Variants in RABGAP1L observed in about 807,000 individuals in gnomAD.
RABGAP1L encodes rab GTPase-activating protein 1-like.
RABGAP1L carries 63 observed loss-of-function variants against 137.7 expected under a neutral mutation model. The observed-to-expected ratio is 0.46, with a 90% CI of 0.37 to 0.56. The LOEUF is 0.56. Ranked by LOEUF, RABGAP1L falls within the 20% of genes least tolerant of loss-of-function variation. The probability of loss-of-function intolerance (pLI) is 0.00; values close to 1 mark genes in which losing one functional copy is unlikely to be tolerated. For missense variants in RABGAP1L, 1,095 were observed against 1,244.0 expected (o/e 0.88, Z 1.80); for synonymous variants, 431 against 433.7 (o/e 0.99, Z 0.08).
intron 6 of RABGAP1L, among the ~76,000 whole-genome samples, chr1:174,251,334 A>G (rs539055777): frequency 1.3e-5 from 2 of 151,206 alleles, no homozygotes; most frequent in South Asian, 2.1e-4. Flanking sequence ...CTGATAATAT[A>G]TGGTTTGACC....
chr1:174,420,793 G>A (rs1651183633), intron 13 of RABGAP1L, among the ~76,000 whole-genome samples: 2 of 151,408 alleles, frequency 1.3e-5, no homozygotes, highest in Non-Finnish European at 2.9e-5. Context: ...TCCTGTCTCA[G>A]CCTCCCGAGT....
chr1:174,484,687 A>G (rs1368041293), intron 13 of RABGAP1L, among the ~76,000 whole-genome samples: 1 of 152,216 alleles, frequency 6.6e-6, no homozygotes, highest in Non-Finnish European at 1.5e-5. Context: ...AACTTTGTCA[A>G]AAATGAATTC....
chr1:174,227,661 A>C (rs1282676408), intron 3 of RABGAP1L, among the ~76,000 whole-genome samples: 3 of 151,998 alleles, frequency 2.0e-5, no homozygotes. Flanking sequence ...CACATTAGCT[A>C]TATAATTTTG....
At chr1:174,383,004 TAACA>T (rs1157673706) in intron 12 of RABGAP1L, among the ~76,000 whole-genome samples, 2 of 151,280 alleles carry the variant, frequency 1.3e-5, no homozygotes, top group African/African-American at 4.9e-5. Context: ...GTTTTCCTTC[TAACA>T]GACAGGACCC....
intron 13 of RABGAP1L, among the ~76,000 whole-genome samples, chr1:174,527,915 T>TTA (rs1664047980): frequency 6.6e-6 from 1 of 151,122 alleles, no homozygotes; most frequent in Non-Finnish European, 1.5e-5. Flanking sequence ...TTTTTTTTTT[T>TTA]TTTTACCTTA....
chr1:174,687,238 G>A (rs999519082), intron 15 of RABGAP1L, among the ~76,000 whole-genome samples: 4 of 152,216 alleles, frequency 2.6e-5, no homozygotes, highest in South Asian at 2.1e-4. Context: ...TAAGGGCCAC[G>A]TAGTGAGTCA....
chr1:174,299,925 GACA>G (rs1166158036), intron 10 of RABGAP1L, among the ~76,000 whole-genome samples: 12 of 152,116 alleles, frequency 7.9e-5, no homozygotes, highest in African/African-American at 2.9e-4. Context: ...ATTAAAATAA[GACA>G]ACAATTGTCT....
intron 13 of RABGAP1L, among the ~76,000 whole-genome samples, chr1:174,430,611 T>C (rs1318611497): frequency 6.6e-6 from 1 of 152,164 alleles, no homozygotes; most frequent in Admixed American, 6.6e-5. Context: ...GAAAGCAAGT[T>C]AGAAGAGCAG....
At position 174,238,178 on chromosome 1, in the gene RABGAP1L, T is replaced by A. The variant is rs1167061573; in HGVS notation, c.543-3305T>A. Among the ~76,000 whole-genome samples the A allele has an allele frequency of 1.2e-4, 18 of 152,086 alleles. No individual in the cohort carries two copies. In the South Asian group the frequency reaches 3.7e-3, roughly 32 times the overall value. On this transcript the variant is annotated intron_variant, in intron 4 of 25. Coordinates refer to ENST00000681986, the MANE Select transcript of RABGAP1L (RefSeq NM_001366446.1). ...ATTCTAGTTATACATTCTTCTAAAT[T>A]TTTTTCAAAGTTTTCAACTTCTTTG...
At chr1:174,497,889 A>G (rs1302103768) in intron 13 of RABGAP1L, among the ~76,000 whole-genome samples, 2 of 150,902 alleles carry the variant, frequency 1.3e-5, no homozygotes, top group Non-Finnish European at 2.9e-5. Flanking sequence ...TACATGTTAC[A>G]GTATTAGTAG....
intron 18 of RABGAP1L, chr1:174,757,133 A>T (rs1684830138): frequency 2.3e-6 from 1 of 436,652 alleles, no homozygotes; most frequent in African/African-American, 2.0e-5. Context: ...GTTCAGGTTT[A>T]ATTGTCAGCT....
chr1:174,920,913 G>A (rs1053084486), intron 19 of RABGAP1L, among the ~76,000 whole-genome samples: 1 of 152,058 alleles, frequency 6.6e-6, no homozygotes, highest in Non-Finnish European at 1.5e-5. Flanking sequence ...CCTTCAGTCT[G>A]TGGTACTTTG....
chr1:174,395,219 A>G (rs1647679038), intron 13 of RABGAP1L, among the ~76,000 whole-genome samples: 1 of 152,056 alleles, frequency 6.6e-6, no homozygotes, highest in Non-Finnish European at 1.5e-5. Context: ...TTGGAGGAAT[A>G]ATTGTGGGGC....
intron 13 of RABGAP1L, among the ~76,000 whole-genome samples, chr1:174,580,330 A>G (rs1668643268): frequency 6.6e-6 from 1 of 152,242 alleles, no homozygotes; most frequent in Admixed American, 6.5e-5. Context: ...ACACATGCAC[A>G]CATATGTTTA....
intron 2 of RABGAP1L, among the ~76,000 whole-genome samples, chr1:174,220,138 C>T (rs974079399): frequency 2.0e-5 from 3 of 152,044 alleles, no homozygotes; most frequent in African/African-American, 4.8e-5. Context: ...TTGTGTTTCA[C>T]CTGCCTTTGA....
At chr1:174,800,399 G>T in intron 18 of RABGAP1L, 1 of 1,550,750 alleles carries the variant, frequency 6.4e-7, no homozygotes, top group Non-Finnish European at 8.7e-7. Context: ...AAAGTCCCAG[G>T]ACATGCACGA....
intron 14 of RABGAP1L, among the ~76,000 whole-genome samples, chr1:174,650,205 G>A (rs1675349239): frequency 6.6e-6 from 1 of 152,106 alleles, no homozygotes; most frequent in African/African-American, 2.4e-5. Context: ...TGGTGGATAA[G>A]CTTTTTGATG....
At chr1:174,613,416 G>C (rs1005086817) in intron 13 of RABGAP1L, among the ~76,000 whole-genome samples, 3 of 152,126 alleles carry the variant, frequency 2.0e-5, no homozygotes, top group Non-Finnish European at 2.9e-5. Flanking sequence ...ACTGTGGTCT[G>C]AGAGACAGTT....
chr1:174,370,891 A>G, intron 11 of RABGAP1L, 88 bp from the exon 12 acceptor site: 2 of 605,794 alleles, frequency 3.3e-6, no homozygotes, highest in Non-Finnish European at 2.7e-6. Context: ...GTTTTATTAG[A>G]CATGGAGTCA....
Sources: gnomAD v4.1 joint callset for allele counts (sites outside exome capture counted in the v4.1 genomes callset) on GRCh38, gnomAD v4.1.1 for gene constraint, MANE v1.5 for transcripts, NCBI Gene and HGNC (gene_info 2026-07-23, HGNC 2026-07-21) for gene names.